CFAP161: variants seen among roughly 807,000 people sequenced by gnomAD.
The protein encoded by CFAP161 is cilia and flagella associated protein 161.
Under a neutral mutation model 29.0 loss-of-function variants are expected in CFAP161, and 25 were observed. The ratio of observed to expected loss-of-function variants is 0.86; its 90% CI spans 0.63 to 1.20. The LOEUF is 1.20. Among genes scored for constraint, CFAP161 ranks in the 50% most tolerant of loss-of-function variants. The pLI, the probability that CFAP161 is intolerant of heterozygous loss-of-function variation, is 0.00. For synonymous variants in CFAP161, 116 were observed against 137.4 expected (o/e 0.84, Z 1.09); for missense variants, 367 against 371.9 (o/e 0.99, Z 0.11).
At position 81,143,819 on chromosome 15, in the gene CFAP161, C is replaced by A. The variant is rs748255587; in HGVS notation, c.635C>A (p.Pro212Gln). The stretch of plus-strand genomic sequence containing the variant: ...CTGGAATATGAAGGCTTCCCCGTCC[C>A]GGTGAGTGCAGCATCGGGAAGACAT... ...LRLEYEGFPV[P>Q]ANAKILINHC... is the part of the protein sequence containing the mutation. Residue 212 changes from proline (P) to glutamine (Q), a missense_variant and splice_region_variant, in exon 5 of 7, where the codon CCG becomes CAG. By Grantham distance (76) the Pro-to-Gln change is moderately conservative. Transcript: ENST00000286732. 1 of 1,613,692 alleles carries A rather than the reference C, an allele frequency of 6.2e-7. No individual in the cohort carries two copies. The highest frequency in any genetic ancestry group is 1.1e-5 in the South Asian group (1 of 91,038).
At position 81,124,257 on chromosome 15, in the gene CFAP161, C is replaced by A. The variant is rs146252190; in HGVS notation, c.-141-3333C>A. ...ATTTTATTGAAAGCTTTTTCTGCAT[C>A]TATTGAGATAATCGTGTGGTTTTTG... On this transcript the variant is annotated intron_variant, in intron 1 of 4. Coordinates refer to the CFAP161 transcript ENST00000560091. Among the ~76,000 whole-genome samples the A allele has an allele frequency of 4.8e-4, 73 of 152,236 alleles. 3 individuals are homozygous for A. The East Asian group carries it at 0.013, about 27-fold the overall frequency.
At chr15:81,120,045 A>C (rs978774516) in intron 1 of CFAP161, among the ~76,000 whole-genome samples, 2 of 152,074 alleles carry the variant, frequency 1.3e-5, no homozygotes, top group East Asian at 1.9e-4. Context: ...TTTCCTAAAT[A>C]ATAAAAAACT....
chr15:81,137,346 A>G (rs1277670344), intron 3 of CFAP161, among the ~76,000 whole-genome samples: 1 of 152,208 alleles, frequency 6.6e-6, no homozygotes, highest in Non-Finnish European at 1.5e-5. Flanking sequence ...TGTAATCCCA[A>G]TACTTTGGGA....
rs1478696158 is a variant in CFAP161, at chr15:81,138,295, G to A, written c.477+160G>A. The stretch of plus-strand genomic sequence containing the variant: ...TTGCAGCTTTTCACAGGCAGTTTTG[G>A]GCCAAGCCAGTCTTTCCTTTTAACT... On this transcript the variant is annotated intron_variant, in intron 4 of 6. Transcript: ENST00000286732. Among the ~76,000 whole-genome samples, 4 of 152,160 alleles carry A rather than the reference G, an allele frequency of 2.6e-5. No homozygotes were observed. In the East Asian group the frequency reaches 7.7e-4, roughly 29 times the overall value.
At chr15:81,142,135 C>T (rs1206842234) in intron 4 of CFAP161, among the ~76,000 whole-genome samples, 1 of 152,054 alleles carries the variant, frequency 6.6e-6, no homozygotes, top group African/African-American at 2.4e-5. Context: ...CTCTTTTCTC[C>T]CTTCATACTG....
chr15:81,134,349 G>T lies in CFAP161; in HGVS notation c.20G>T (p.Gly7Val). 6.3e-7 allele frequency: 1 copy of T among 1,590,254 alleles called. No homozygotes were observed. The highest frequency in any genetic ancestry group is 8.6e-7 in the Non-Finnish European group (1 of 1,169,416). The change falls in exon 1 of 7, where the codon GGT becomes GTT. Residue 7 changes from glycine to valine, a missense_variant. Gly to Val is a moderately radical substitution (Grantham distance 109). Transcript: ENST00000286732. ...GGAGCGATGGCGCAGAACGTGTATG[G>T]TCCGGGAGTCCGGATAGGCAACTGG... MAQNVY[G>V]PGVRIGNWNE...
exon 2 of CFAP161, chr15:81,127,687 A>C (rs986837255): frequency 6.6e-6 from 1 of 152,198 alleles, no homozygotes; most frequent in Non-Finnish European, 1.5e-5. Flanking sequence ...CAGGGCAGAA[A>C]AGATGACAGC....
In CFAP161 at chr15:81,134,286, G is replaced by C; in HGVS notation, c.-44G>C. On this transcript the variant is annotated 5_prime_UTR_variant, in exon 1 of 7. Coordinates refer to ENST00000286732, the MANE Select transcript of CFAP161 (RefSeq NM_173528.4). ...CGTCATGGCGACGCGCCACGCTAAC[G>C]CATGGTGTCGGAGGGAGGCCCACTT... 1 of 1,560,036 alleles carries C rather than the reference G, an allele frequency of 6.4e-7. No individual in the cohort carries two copies. The highest frequency in any genetic ancestry group is 8.7e-7 in the Non-Finnish European group (1 of 1,150,950).
chr15:81,143,507 G>A (rs1244247270), intron 4 of CFAP161, among the ~76,000 whole-genome samples, 155 bp from the exon 5 acceptor site: 1 of 152,180 alleles, frequency 6.6e-6, no homozygotes, highest in Non-Finnish European at 1.5e-5. Flanking sequence ...CATATCTAAG[G>A]TAGAGGAAAA....
At chr15:81,121,733 G>A (rs1263911561) in intron 1 of CFAP161, among the ~76,000 whole-genome samples, 1 of 151,966 alleles carries the variant, frequency 6.6e-6, no homozygotes, top group Non-Finnish European at 1.5e-5. Flanking sequence ...TAAGTTCAGG[G>A]GTACATGTGC....
intron 3 of CFAP161, among the ~76,000 whole-genome samples, chr15:81,137,770 A>G (rs1894837129): frequency 6.6e-6 from 1 of 152,204 alleles, no homozygotes; most frequent in Admixed American, 6.5e-5. Flanking sequence ...ATTCCTTAGT[A>G]TACATTAGCA....
At chr15:81,100,704 C>CTATT (rs373427489) in intron 1 of CFAP161, among the ~76,000 whole-genome samples, 1 of 148,646 alleles carries the variant, frequency 6.7e-6, no homozygotes, top group Non-Finnish European at 1.5e-5. Context: ...CTCTCTCTCT[C>CTATT]TTTTTTTTTT....
chr15:81,146,527 A>G (rs1387370711), intron 5 of CFAP161, among the ~76,000 whole-genome samples: 1 of 152,042 alleles, frequency 6.6e-6, no homozygotes, highest in Non-Finnish European at 1.5e-5. Flanking sequence ...TGATGATTTC[A>G]TCATACAGAT....
At chr15:81,134,958 C>T (rs1894783081) in intron 1 of CFAP161, among the ~76,000 whole-genome samples, 1 of 152,168 alleles carries the variant, frequency 6.6e-6, no homozygotes, top group African/African-American at 2.4e-5. Context: ...TAGTGTCAGT[C>T]ATCATACGGT....
chr15:81,112,027 A>G (rs1362081243), intron 1 of CFAP161, among the ~76,000 whole-genome samples: 1 of 152,172 alleles, frequency 6.6e-6, no homozygotes, highest in Non-Finnish European at 1.5e-5. Flanking sequence ...AATTTATTTG[A>G]CCATAGAACC....
intron 1 of CFAP161, among the ~76,000 whole-genome samples, chr15:81,113,559 C>G (rs754289893): frequency 6.6e-6 from 1 of 152,138 alleles, no homozygotes; most frequent in Non-Finnish European, 1.5e-5. Flanking sequence ...TAGAATGACT[C>G]ATAGAGCCAG....
chr15:81,108,079 G>A (rs181963326), intron 1 of CFAP161, among the ~76,000 whole-genome samples: 3 of 152,262 alleles, frequency 2.0e-5, no homozygotes, highest in Non-Finnish European at 1.5e-5. Context: ...ACGGTTTGGG[G>A]AAATGAGTCT....
At chr15:81,137,092 G>T (rs1176951314) in intron 3 of CFAP161, among the ~76,000 whole-genome samples, 1 of 102,862 alleles carries the variant, frequency 9.7e-6, no homozygotes, top group Admixed American at 9.5e-5. Context: ...TTCTTAATAC[G>T]GCTATTTTTT....
chr15:81,139,375 T>A (rs1257043213), intron 4 of CFAP161, among the ~76,000 whole-genome samples: 2 of 152,162 alleles, frequency 1.3e-5, no homozygotes, highest in African/African-American at 4.8e-5. Context: ...CCACAGATGG[T>A]AAGTTGCAGC....
Sources: allele counts gnomAD v4.1 joint callset (sites outside exome capture counted in the v4.1 genomes callset), GRCh38; gene constraint gnomAD v4.1.1; transcripts MANE v1.5; gene names NCBI Gene and HGNC (gene_info 2026-07-23, HGNC 2026-07-21).